The following PDGFD variants were observed in gnomAD, a reference collection of about 807,000 sequenced individuals.
PDGFD encodes platelet-derived growth factor D.
Under a neutral mutation model 44.7 loss-of-function variants are expected in PDGFD, and 30 were observed. The observed-to-expected ratio is 0.67, with a 90% CI of 0.50 to 0.91. PDGFD has a LOEUF of 0.91. Ranked by LOEUF, PDGFD falls within the 40% of genes least tolerant of loss-of-function variation. The pLI, the probability that PDGFD is intolerant of heterozygous loss-of-function variation, is 0.00. For missense variants in PDGFD, 445 were observed against 457.8 expected (o/e 0.97, Z 0.25); for synonymous variants, 173 against 168.4 (o/e 1.03, Z -0.21).
intron 1 of PDGFD, among the ~76,000 whole-genome samples, chr11:104,121,665 T>C (rs2134463931): frequency 6.6e-6 from 1 of 152,218 alleles, no homozygotes; most frequent in South Asian, 2.1e-4. Flanking sequence ...GTAAAATGTG[T>C]GTACACACTC....
At chr11:104,141,454 G>A (rs894704636) in intron 1 of PDGFD, among the ~76,000 whole-genome samples, 2 of 151,424 alleles carry the variant, frequency 1.3e-5, no homozygotes, top group African/African-American at 2.4e-5. Context: ...CAGGAGTGCA[G>A]TGGTGAAATC....
chr11:103,960,000 C>T (rs1858912006), intron 3 of PDGFD, among the ~76,000 whole-genome samples: 1 of 152,126 alleles, frequency 6.6e-6, no homozygotes, highest in South Asian at 2.1e-4. Flanking sequence ...TTTACTTTGA[C>T]CAGTTATTAC....
intron 1 of PDGFD, among the ~76,000 whole-genome samples, chr11:104,092,722 G>A (rs1178573044): frequency 6.6e-6 from 1 of 152,028 alleles, no homozygotes; most frequent in Non-Finnish European, 1.5e-5. Flanking sequence ...TTTTAAAAAA[G>A]GTGCACAAAT....
intron 1 of PDGFD, among the ~76,000 whole-genome samples, chr11:104,050,972 C>T (rs1249640971): frequency 1.3e-5 from 2 of 152,162 alleles, no homozygotes; most frequent in African/African-American, 4.8e-5. Flanking sequence ...AGGCTGCTAG[C>T]CAGGCAAAAT....
At chr11:104,001,301 G>C (rs1859616148) in intron 1 of PDGFD, among the ~76,000 whole-genome samples, 1 of 152,186 alleles carries the variant, frequency 6.6e-6, no homozygotes, top group African/African-American at 2.4e-5. Context: ...TGTGTCCCGA[G>C]GACACAGAAG....
chr11:103,985,562 TTAAGGAAATA>T (rs1461326998), intron 3 of PDGFD, among the ~76,000 whole-genome samples: 1 of 151,778 alleles, frequency 6.6e-6, no homozygotes, highest in Non-Finnish European at 1.5e-5. Flanking sequence ...GCTTGAATTC[TTAAGGAAATA>T]TACATGAGAA....
At chr11:103,943,028 T>C (rs917809228) in intron 5 of PDGFD, among the ~76,000 whole-genome samples, 4 of 152,052 alleles carry the variant, frequency 2.6e-5, no homozygotes, top group Admixed American at 1.3e-4. Flanking sequence ...CTTAGTCTGA[T>C]GCAAAAAAAA....
chr11:104,050,875 GA>G (rs1689651357), intron 1 of PDGFD, among the ~76,000 whole-genome samples: 1 of 152,142 alleles, frequency 6.6e-6, no homozygotes, highest in Admixed American at 6.5e-5. Flanking sequence ...CCATATCATG[GA>G]AGCTAGCTCT....
intron 1 of PDGFD, among the ~76,000 whole-genome samples, chr11:104,022,216 T>C (rs531682544): frequency 6.6e-6 from 1 of 152,292 alleles, no homozygotes; most frequent in Admixed American, 6.5e-5. Flanking sequence ...TTTCTTAAAA[T>C]AGTTATGATA....
At chr11:103,926,478 T>A (rs1384303353) in intron 6 of PDGFD, among the ~76,000 whole-genome samples, 2 of 152,236 alleles carry the variant, frequency 1.3e-5, no homozygotes, top group Non-Finnish European at 2.9e-5. Flanking sequence ...CTTTGACAAT[T>A]TATATTTTGC....
At chr11:103,934,316 AGAAG>A (rs1245137592) in intron 5 of PDGFD, among the ~76,000 whole-genome samples, 3 of 152,228 alleles carry the variant, frequency 2.0e-5, no homozygotes, top group Admixed American at 2.0e-4. Flanking sequence ...CACAGATCAA[AGAAG>A]GAAGTTTAAA....
intron 3 of PDGFD, among the ~76,000 whole-genome samples, chr11:103,972,290 C>G (rs1292848839): frequency 6.6e-6 from 1 of 152,130 alleles, no homozygotes; most frequent in Non-Finnish European, 1.5e-5. Context: ...TCCATCCTTA[C>G]CCCCACATTG....
At chr11:104,074,120 A>G (rs1591150425) in intron 1 of PDGFD, among the ~76,000 whole-genome samples, 1 of 152,178 alleles carries the variant, frequency 6.6e-6, no homozygotes, top group East Asian at 1.9e-4. Flanking sequence ...GCCTGGGGAT[A>G]GTCTGCTTAG....
intron 1 of PDGFD, among the ~76,000 whole-genome samples, chr11:104,130,971 T>C (rs1861911256): frequency 6.6e-6 from 1 of 152,214 alleles, no homozygotes; most frequent in African/African-American, 2.4e-5. Flanking sequence ...GCTTATCATT[T>C]TGAATTCTGA....
chr11:103,958,418 G>T (rs1391031774), intron 3 of PDGFD, among the ~76,000 whole-genome samples: 2 of 152,030 alleles, frequency 1.3e-5, no homozygotes. Flanking sequence ...TTCACCAGTG[G>T]TCTGAAATTT....
chr11:104,087,254 G>A (rs1003314927), intron 1 of PDGFD, among the ~76,000 whole-genome samples: 1 of 148,330 alleles, frequency 6.7e-6, no homozygotes, highest in African/African-American at 2.5e-5. Flanking sequence ...GAAGTGCAGT[G>A]GTGCAATCTC....
intron 5 of PDGFD, among the ~76,000 whole-genome samples, chr11:103,928,586 A>G (rs972539021): frequency 6.6e-6 from 1 of 152,212 alleles, no homozygotes; most frequent in African/African-American, 2.4e-5. Flanking sequence ...TATATCTACA[A>G]CTGTGCTTTG....
At chr11:104,129,110 A>T (rs1565343645) in intron 1 of PDGFD, among the ~76,000 whole-genome samples, 1 of 152,136 alleles carries the variant, frequency 6.6e-6, no homozygotes, top group Admixed American at 6.5e-5. Context: ...AATATAAGAG[A>T]CACAGCAAAT....
At chr11:104,110,310 A>T (rs11226167) in intron 1 of PDGFD, among the ~76,000 whole-genome samples, 34,700 of 151,534 alleles carry the variant, frequency 0.23, 4,285 homozygotes, top group Middle Eastern at 0.44. Context: ...AAAAATTTTT[A>T]AAAATTAAAT....
Sources: allele counts gnomAD v4.1 joint callset (sites outside exome capture counted in the v4.1 genomes callset), GRCh38; gene constraint gnomAD v4.1.1; transcripts MANE v1.5; gene names NCBI Gene and HGNC (gene_info 2026-07-23, HGNC 2026-07-21).